The following KITLG variants were observed in gnomAD, a reference collection of about 807,000 sequenced individuals.
The protein encoded by KITLG is KIT ligand.
A neutral mutation model predicts 34.1 loss-of-function variants in KITLG; 13 were observed. The ratio of observed to expected loss-of-function variants is 0.38; its 90% confidence interval spans 0.25 to 0.61. The LOEUF (loss-of-function observed/expected upper bound fraction) is 0.61. KITLG is among the 20% of genes least tolerant of loss of function. KITLG has a pLI of 0.60. For missense variants in KITLG, 292 were observed against 318.9 expected (o/e 0.92, Z 0.64); for synonymous variants, 110 against 104.0 (o/e 1.06, Z -0.35).
intron 9 of KITLG, among the ~76,000 whole-genome samples, chr12:88,502,858 A>G (rs1868914867): frequency 2.6e-5 from 4 of 152,126 alleles, no homozygotes; most frequent in African/African-American, 9.7e-5. Flanking sequence ...GTGGTTTGTG[A>G]ATGCCACTTG....
intron 7 of KITLG, 64 bp downstream of exon 7, chr12:88,506,964 G>GA (rs1225221979): frequency 7.5e-6 from 7 of 930,240 alleles, no homozygotes; most frequent in African/African-American, 3.3e-5. Context: ...ATTTCTTGAG[G>GA]AAAAAAAGAT....
intron 2 of KITLG, among the ~76,000 whole-genome samples, chr12:88,542,592 A>C (rs1222331045): frequency 5.9e-5 from 9 of 152,058 alleles, no homozygotes. Flanking sequence ...TTAGTAAGTT[A>C]GGATAGGAAC....
intron 6 of KITLG, among the ~76,000 whole-genome samples, 192 bp from the exon 7 acceptor site, chr12:88,507,329 T>A (rs538158107): frequency 6.6e-6 from 1 of 152,208 alleles, no homozygotes; most frequent in Non-Finnish European, 1.5e-5. Context: ...CTCCAAAAGA[T>A]GAATGCATTA....
intron 1 of KITLG, 36 bp downstream of exon 1, chr12:88,580,228 G>T: frequency 6.3e-7 from 1 of 1,596,884 alleles, no homozygotes. Flanking sequence ...GATTTTTCCT[G>T]GAGAGCCTGG....
intron 3 of KITLG, among the ~76,000 whole-genome samples, chr12:88,527,182 T>C (rs957834985): frequency 2.0e-5 from 3 of 152,148 alleles, no homozygotes; most frequent in African/African-American, 7.2e-5. Context: ...CACTACAGTC[T>C]TGGAGGCCTT....
intron 6 of KITLG, among the ~76,000 whole-genome samples, chr12:88,515,202 T>C (rs1326787981): frequency 6.6e-6 from 1 of 151,738 alleles, no homozygotes; most frequent in Non-Finnish European, 1.5e-5. Context: ...ATACACTTAA[T>C]TTTAAACTTC....
At position 88,518,718 on chromosome 12, in the gene KITLG, G is replaced by A. The variant is rs773018004; in HGVS notation, c.342C>T (p.Cys114=). 7 of 1,612,678 alleles carry A rather than the reference G, an allele frequency of 4.3e-6. No homozygotes were observed. Among genetic ancestry groups the A allele is most frequent in the East Asian group, 2.2e-5 (1 of 44,830 alleles). The change falls in exon 4 of 10, where the codon TGC becomes TGT. Residue 114 remains cysteine, a synonymous_variant. Transcript: ENST00000644744. ...TTACCTTAGATGAGTTTTCTTTCACGCACTCCACAAGGTCATCCACTATAT... is the reference window on the plus strand; with the variant it reads ...TTACCTTAGATGAGTTTTCTTTCACACACTCCACAAGGTCATCCACTATAT... ...LVNIVDDLVE[C]VKENSSKDLK... is the part of the protein sequence containing the mutation.
At chr12:88,507,969 C>G (rs1373648751) in intron 6 of KITLG, among the ~76,000 whole-genome samples, 1 of 151,994 alleles carries the variant, frequency 6.6e-6, no homozygotes, top group Non-Finnish European at 1.5e-5. Flanking sequence ...AGCAGATCAC[C>G]TGAGATCCAG....
chr12:88,527,390 C>T (rs941556222), intron 3 of KITLG, among the ~76,000 whole-genome samples: 1 of 151,752 alleles, frequency 6.6e-6, no homozygotes, highest in African/African-American at 2.4e-5. Context: ...CAGGGCCAGG[C>T]AAAAAAAGAT....
chr12:88,544,945 C>T (rs925871223), intron 2 of KITLG, among the ~76,000 whole-genome samples: 7 of 152,160 alleles, frequency 4.6e-5, no homozygotes, highest in African/African-American at 9.7e-5. Context: ...TCTCGCATCA[C>T]CTCCGTTCTC....
chr12:88,555,556 C>A (rs1191946521), intron 1 of KITLG, among the ~76,000 whole-genome samples: 1 of 152,078 alleles, frequency 6.6e-6, no homozygotes, highest in Non-Finnish European at 1.5e-5. Context: ...TTTAAAGGGT[C>A]ATGTTACAGA....
chr12:88,530,879 AT>A (rs1261408552), intron 3 of KITLG, among the ~76,000 whole-genome samples: 2 of 152,200 alleles, frequency 1.3e-5, no homozygotes, highest in African/African-American at 4.8e-5. Flanking sequence ...TTTGAAATGC[AT>A]TTTAAGCACA....
intron 1 of KITLG, among the ~76,000 whole-genome samples, chr12:88,556,298 A>G (rs1210234480): frequency 6.6e-6 from 1 of 151,740 alleles, no homozygotes; most frequent in Non-Finnish European, 1.5e-5. Flanking sequence ...TTTTAAAAGC[A>G]CTGGGGAGAC....
intron 2 of KITLG, chr12:88,534,626 C>CA: frequency 2.0e-6 from 1 of 488,216 alleles, no homozygotes; most frequent in Non-Finnish European, 4.0e-6. Flanking sequence ...CTTGGCCTCC[C>CA]AAAATGCTGG....
chr12:88,574,868 A>G (rs1871778750), intron 1 of KITLG, among the ~76,000 whole-genome samples: 1 of 152,222 alleles, frequency 6.6e-6, no homozygotes, highest in African/African-American at 2.4e-5. Flanking sequence ...CTCTTTAACT[A>G]TGGATTTTGC....
At chr12:88,521,886 T>A (rs552908899) in intron 3 of KITLG, among the ~76,000 whole-genome samples, 1 of 152,288 alleles carries the variant, frequency 6.6e-6, no homozygotes, top group East Asian at 1.9e-4. Context: ...AAACATGTGC[T>A]TTCTATCCCT....
In KITLG at chr12:88,545,660, G is replaced by A. The variant is rs1285452598; in HGVS notation, c.129+92C>T. The A allele has an allele frequency of 1.1e-5, 8 of 724,736 alleles. No individual in the cohort carries two copies. The African/African-American group carries it at 1.4e-4, about 13-fold the overall frequency. 44.9% of individuals were successfully genotyped at this position (724,736 alleles called of 1,614,324 possible). A position where few individuals can be genotyped will look rare whatever the true frequency, so the allele number is the denominator to read the frequency against. On this transcript the variant is annotated intron_variant, in intron 2 of 9. Coordinates refer to ENST00000644744, the MANE Select transcript of KITLG (RefSeq NM_000899.5). ...CCCACTTTAGGAAAACATTACTTTG[G>A]GGCAAGAAAAATCTAAATCTTTTAT...
intron 3 of KITLG, among the ~76,000 whole-genome samples, chr12:88,523,124 G>A (rs980999615): frequency 2.0e-5 from 3 of 152,128 alleles, no homozygotes; most frequent in Admixed American, 6.5e-5. Context: ...GGAATTAGAC[G>A]TATGCATGCC....
At chr12:88,519,236 A>C (rs933941448) in intron 3 of KITLG, among the ~76,000 whole-genome samples, 1 of 152,130 alleles carries the variant, frequency 6.6e-6, no homozygotes, top group Non-Finnish European at 1.5e-5. Flanking sequence ...CAGGAAGAGA[A>C]GGGACTAGTG....
Sources: gnomAD v4.1 joint callset for allele counts (sites outside exome capture counted in the v4.1 genomes callset) on GRCh38, gnomAD v4.1.1 for gene constraint, MANE v1.5 for transcripts, NCBI Gene and HGNC (gene_info 2026-07-23, HGNC 2026-07-21) for gene names.